NKAIN3: variants seen among roughly 807,000 people sequenced by gnomAD.
NKAIN3 encodes the protein sodium/potassium transporting ATPase interacting 3.
Under a neutral mutation model 30.2 loss-of-function variants are expected in NKAIN3, and 25 were observed. That is an observed-to-expected ratio of 0.83 (90% CI 0.60 to 1.16). The LOEUF (loss-of-function observed/expected upper bound fraction) is 1.16, where lower values mean the gene tolerates loss of function less well. Ranked by LOEUF, NKAIN3 falls within the 50% of genes most tolerant of loss-of-function variation. NKAIN3 has a pLI of 0.00. For missense variants in NKAIN3, 225 were observed against 254.1 expected (o/e 0.89, Z 0.78); for synonymous variants, 91 against 89.6 (o/e 1.02, Z -0.09).
intron 3 of NKAIN3, among the ~76,000 whole-genome samples, chr8:62,669,143 C>T (rs1813220879): frequency 1.3e-5 from 2 of 152,306 alleles, no homozygotes; most frequent in Admixed American, 6.5e-5. Flanking sequence ...AGGGAGTCCC[C>T]AGCCAATGAC....
intron 4 of NKAIN3, among the ~76,000 whole-genome samples, chr8:62,876,830 G>A (rs1820810665): frequency 6.7e-6 from 1 of 149,804 alleles, no homozygotes; most frequent in Non-Finnish European, 1.5e-5. Context: ...GGTGAGGCAA[G>A]GAACTTAGAG....
intron 1 of NKAIN3, among the ~76,000 whole-genome samples, chr8:62,477,064 TCTC>T (rs984225029): frequency 3.3e-5 from 5 of 151,996 alleles, no homozygotes; most frequent in African/African-American, 1.2e-4. Context: ...CTCTTACAGA[TCTC>T]CTGGGCAGAG....
At chr8:62,597,495 T>C (rs1297454107) in intron 3 of NKAIN3, among the ~76,000 whole-genome samples, 1 of 151,952 alleles carries the variant, frequency 6.6e-6, no homozygotes, top group Non-Finnish European at 1.5e-5. Context: ...GTTAATAGGG[T>C]TTGTCTTTTT....
intron 3 of NKAIN3, among the ~76,000 whole-genome samples, chr8:62,713,716 A>ATTTCTATGG (rs1219402317): frequency 2.0e-5 from 3 of 152,182 alleles, no homozygotes; most frequent in Non-Finnish European, 4.4e-5. Flanking sequence ...TGAAGTAAAC[A>ATTTCTATGG]TTTCTATGGT....
chr8:62,887,008 T>C lies in NKAIN3; in HGVS notation c.472-31445T>C, dbSNP rs139489838. ...AAGGACATGAACTCACTCTTTTTTA[T>C]GGCTGCATAGTATTCCATGGTGTCT... On this transcript the variant is annotated intron_variant, in intron 4 of 6. Transcript: ENST00000623646. 5.9e-3 allele frequency among the ~76,000 whole-genome samples: 903 copies of C among 152,348 alleles called. 4 individuals are homozygous for C. Among genetic ancestry groups the C allele is most frequent in the Admixed American group, 0.011 (172 of 15,298 alleles).
intron 3 of NKAIN3, among the ~76,000 whole-genome samples, chr8:62,674,029 G>A (rs62509529): frequency 0.016 from 2,386 of 152,296 alleles, 32 homozygotes; most frequent in Non-Finnish European, 0.024. Flanking sequence ...TGTTGGCAGG[G>A]AGGGGACTTA....
chr8:62,653,797 T>C (rs1321350177), intron 3 of NKAIN3, among the ~76,000 whole-genome samples: 1 of 152,136 alleles, frequency 6.6e-6, no homozygotes, highest in Non-Finnish European at 1.5e-5. Flanking sequence ...GTGGAGTTTG[T>C]TACCTGTACG....
At chr8:62,407,405 T>TTC (rs1804107185) in intron 1 of NKAIN3, among the ~76,000 whole-genome samples, 1 of 30,072 alleles carries the variant, frequency 3.3e-5, no homozygotes. Context: ...ATAGTTGTTT[T>TTC]TTTTTTTTTT....
intron 3 of NKAIN3, among the ~76,000 whole-genome samples, chr8:62,632,435 C>A (rs1192901382): frequency 2.0e-5 from 3 of 152,080 alleles, no homozygotes; most frequent in Non-Finnish European, 4.4e-5. Flanking sequence ...GAGCAGAAAA[C>A]AAAGTTTCTC....
At chr8:62,780,959 A>G (rs776832638) in intron 4 of NKAIN3, among the ~76,000 whole-genome samples, 2 of 152,100 alleles carry the variant, frequency 1.3e-5, no homozygotes, top group Non-Finnish European at 2.9e-5. Context: ...AAGAGAAAGA[A>G]AGAAAAGGCC....
At position 62,806,571 on chromosome 8, in the gene NKAIN3, G is replaced by A. The variant is rs375062762; in HGVS notation, c.471+59442G>A. Among the ~76,000 whole-genome samples the A allele has an allele frequency of 6.6e-4, 100 of 152,054 alleles. No individual in the cohort carries two copies. The East Asian group carries it at 0.013, about 20-fold the overall frequency. On this transcript the variant is annotated intron_variant, in intron 4 of 6. Coordinates refer to ENST00000623646, the MANE Select transcript of NKAIN3 (RefSeq NM_001304533.3). Reference sequence around the variant, plus strand: ...TCAGAAGGACAAAAAACCAAACACCGCATGTTCTCACTCATAGGTGGGAAT... The same window carrying A: ...TCAGAAGGACAAAAAACCAAACACCACATGTTCTCACTCATAGGTGGGAAT...
In NKAIN3 at chr8:62,825,269, T is replaced by C. The variant is rs545511810; in HGVS notation, c.471+78140T>C. 1.1e-4 allele frequency among the ~76,000 whole-genome samples: 16 copies of C among 152,344 alleles called. No homozygotes were observed. In the East Asian group the frequency reaches 2.5e-3, roughly 24 times the overall value. ...TGAGTGATCTTATTTATAACTCCCA[T>C]GGACTATTCTGTTTTACTAGACACA... is the stretch of plus-strand genomic sequence containing the variant. On this transcript the variant is annotated intron_variant, in intron 4 of 6. Coordinates refer to ENST00000623646, the MANE Select transcript of NKAIN3 (RefSeq NM_001304533.3).
intron 3 of NKAIN3, among the ~76,000 whole-genome samples, chr8:62,622,042 A>G (rs1048242698): frequency 2.6e-5 from 4 of 152,044 alleles, no homozygotes; most frequent in African/African-American, 9.7e-5. Flanking sequence ...TAGAAATGCA[A>G]TTTTATAGCA....
At chr8:62,867,769 T>TGAC (rs1164390419) in intron 4 of NKAIN3, among the ~76,000 whole-genome samples, 1 of 152,194 alleles carries the variant, frequency 6.6e-6, no homozygotes, top group East Asian at 1.9e-4. Context: ...AAGCAGCATA[T>TGAC]GACATATTTT....
chr8:62,252,033 A>G (rs1812119911), intron 1 of NKAIN3, among the ~76,000 whole-genome samples: 1 of 152,224 alleles, frequency 6.6e-6, no homozygotes, highest in Admixed American at 6.5e-5. Context: ...TAAAAATCTA[A>G]CAAAACCAAT....
chr8:62,750,173 A>G (rs960591344), intron 4 of NKAIN3, among the ~76,000 whole-genome samples: 1 of 152,030 alleles, frequency 6.6e-6, no homozygotes, highest in African/African-American at 2.4e-5. Context: ...GCTCTGCTGC[A>G]GGGAATTACC....
intron 4 of NKAIN3, among the ~76,000 whole-genome samples, chr8:62,894,830 T>G (rs1821386322): frequency 6.6e-6 from 1 of 152,162 alleles, no homozygotes; most frequent in Non-Finnish European, 1.5e-5. Context: ...ATTCTCAGGA[T>G]GTAGTTTTTA....
At chr8:62,717,141 G>C (rs1022966472) in intron 3 of NKAIN3, among the ~76,000 whole-genome samples, 4 of 152,172 alleles carry the variant, frequency 2.6e-5, no homozygotes, top group Non-Finnish European at 5.9e-5. Context: ...GAGCTGAAAA[G>C]AGTTTCATAC....
intron 3 of NKAIN3, among the ~76,000 whole-genome samples, chr8:62,731,343 C>T (rs948696208): frequency 6.6e-6 from 1 of 151,746 alleles, no homozygotes; most frequent in African/African-American, 2.4e-5. Context: ...TTCAATAATA[C>T]GGTATTTACA....
Sources: allele counts gnomAD v4.1 joint callset (sites outside exome capture counted in the v4.1 genomes callset), GRCh38; gene constraint gnomAD v4.1.1; transcripts MANE v1.5; gene names NCBI Gene and HGNC (gene_info 2026-07-23, HGNC 2026-07-21).